Variants in DNAH3 observed in about 807,000 individuals in gnomAD.
DNAH3 encodes axonemal beta dynein heavy chain 3.
A neutral mutation model predicts 432.5 loss-of-function variants in DNAH3; 332 were observed. That is an observed-to-expected ratio of 0.77 (90% CI 0.70 to 0.84). DNAH3 has a LOEUF of 0.84. DNAH3 is among the 40% of genes least tolerant of loss of function. The pLI, the probability that DNAH3 is intolerant of heterozygous loss-of-function variation, is 0.00. For missense variants in DNAH3, 4,861 were observed against 5,114.0 expected (o/e 0.95, Z 1.51); for synonymous variants, 1,956 against 1,900.2 (o/e 1.03, Z -0.76).
intron 31 of DNAH3, among the ~76,000 whole-genome samples, chr16:21,048,704 CTT>C (rs765614532): frequency 5.6e-5 from 8 of 143,932 alleles, no homozygotes; most frequent in Non-Finnish European, 4.6e-5. Flanking sequence ...CTCCTCCCTC[CTT>C]TTTTTTTTTT....
At chr16:21,056,627 T>C (rs1002849036) in intron 27 of DNAH3, among the ~76,000 whole-genome samples, 4 of 152,174 alleles carry the variant, frequency 2.6e-5, no homozygotes, top group Non-Finnish European at 5.9e-5. Flanking sequence ...TCAATATTTG[T>C]TAAATGAACA....
At chr16:21,148,435 A>T (rs1342088814) in intron 1 of DNAH3, among the ~76,000 whole-genome samples, 28 of 144,736 alleles carry the variant, frequency 1.9e-4, no homozygotes, top group African/African-American at 7.0e-4. Flanking sequence ...TATTATTATT[A>T]TTATTTATTT....
At position 20,936,750 on chromosome 16, in the gene DNAH3, CA is replaced by C. The variant is rs769966683; in HGVS notation, c.11757del (p.Val3920TrpfsTer16). 1.2e-6 allele frequency: 2 copies of C among 1,612,892 alleles called. No individual in the cohort carries two copies. Among genetic ancestry groups the C allele is most frequent in the South Asian group, 2.2e-5 (2 of 90,720 alleles). The stretch of plus-strand genomic sequence containing the variant: ...GCCCACATGGCTGGCACTTTACCCA[CA>C]AGCATGCTGTTAAAGACTTCCTCTA... On this transcript the variant is annotated frameshift_variant, in exon 60 of 62. Coordinates refer to ENST00000261383, the Ensembl canonical transcript of DNAH3. LOFTEE classifies it high-confidence loss of function.
chr16:21,084,822 A>C (rs2091309899), intron 19 of DNAH3, among the ~76,000 whole-genome samples: 1 of 152,108 alleles, frequency 6.6e-6, no homozygotes, highest in African/African-American at 2.4e-5. Context: ...TCATAGAGGA[A>C]GCACCAGGTG....
At chr16:20,950,535 T>C (rs964817189) in intron 56 of DNAH3, among the ~76,000 whole-genome samples, 10 of 152,094 alleles carry the variant, frequency 6.6e-5, no homozygotes, top group African/African-American at 2.4e-4. Context: ...AGCTGTAAAA[T>C]GGGGTTATTA....
intron 21 of DNAH3, among the ~76,000 whole-genome samples, chr16:21,071,898 C>A (rs181680513): frequency 4.6e-5 from 7 of 152,180 alleles, no homozygotes; most frequent in Admixed American, 3.3e-4. Flanking sequence ...GTAGGAAGAT[C>A]GGCTGCTAAT....
chr16:21,148,330 G>A (rs1304265540), intron 1 of DNAH3, among the ~76,000 whole-genome samples: 6 of 151,918 alleles, frequency 3.9e-5, no homozygotes, highest in Admixed American at 2.0e-4. Context: ...TTTCATACCC[G>A]CATTCTAGCT....
chr16:21,148,469 G>A (rs1323990758), intron 1 of DNAH3, among the ~76,000 whole-genome samples: 4 of 148,286 alleles, frequency 2.7e-5, no homozygotes, highest in Non-Finnish European at 5.9e-5. Flanking sequence ...CCAAGTTTTC[G>A]CTCTGTCGCC....
At chr16:21,076,743 A>C (rs906764658) in intron 20 of DNAH3, among the ~76,000 whole-genome samples, 21 of 152,264 alleles carry the variant, frequency 1.4e-4, no homozygotes, top group Admixed American at 1.4e-3. Flanking sequence ...TCCTTATAAA[A>C]CTTACCATTG....
intron 26 of DNAH3, 128 bp from the exon 27 acceptor site, chr16:21,058,324 C>G: frequency 1.9e-6 from 1 of 539,372 alleles, no homozygotes; most frequent in South Asian, 2.9e-5. Context: ...TCAGACGCTA[C>G]AAGGCTTGAC....
chr16:20,942,111 A>AGAGCG (rs2083837148), intron 58 of DNAH3, among the ~76,000 whole-genome samples: 2 of 151,410 alleles, frequency 1.3e-5, no homozygotes, highest in African/African-American at 4.9e-5. Flanking sequence ...CACCTCAGGC[A>AGAGCG]AGAGCCGAAG....
rs781406239 is a variant in DNAH3 at position 21,134,284 on chromosome 16, TGAGCATCATGGGG to T, written c.1044_1056del (p.Asn348LysfsTer3). On this transcript the variant is annotated frameshift_variant, in exon 7 of 62. Transcript: ENST00000261383. LOFTEE classifies it high-confidence loss of function. ...TCTGCAAACCACAGTTCTTTCAGCCTGAGCATCATGGGGTTCACCGTGTGCAGATGCTCCTCGT... is the reference window on the plus strand; with the variant it reads ...TCTGCAAACCACAGTTCTTTCAGCCTTTCACCGTGTGCAGATGCTCCTCGT... The T allele has an allele frequency of 6.2e-7, 1 of 1,612,972 alleles. No homozygotes were observed. The highest frequency in any genetic ancestry group is 1.1e-5 in the South Asian group (1 of 90,752).
chr16:21,064,645 C>T (rs915230095), intron 24 of DNAH3, among the ~76,000 whole-genome samples: 1 of 152,108 alleles, frequency 6.6e-6, no homozygotes, highest in Admixed American at 6.5e-5. Flanking sequence ...TATGGATATA[C>T]ACTCCCTCTA....
At chr16:21,154,730 C>T (rs556602663) in intron 1 of DNAH3, among the ~76,000 whole-genome samples, 1 of 152,134 alleles carries the variant, frequency 6.6e-6, no homozygotes, top group Non-Finnish European at 1.5e-5. Flanking sequence ...ATCAGGAAAG[C>T]TTGAACTTGG....
At chr16:20,994,419 G>A (rs570713136) in intron 44 of DNAH3, among the ~76,000 whole-genome samples, 2 of 152,248 alleles carry the variant, frequency 1.3e-5, no homozygotes, top group African/African-American at 2.4e-5. Flanking sequence ...CGACAAGAGC[G>A]AGACTCTGTC....
chr16:20,984,208 C>T (rs190631058), intron 48 of DNAH3, among the ~76,000 whole-genome samples: 2,833 of 149,376 alleles, frequency 0.019, 32 homozygotes, highest in Non-Finnish European at 0.029. Context: ...CGCATGCGTG[C>T]GTGTGTGTGT....
chr16:21,137,423 CTT>C (rs560633047), intron 5 of DNAH3, among the ~76,000 whole-genome samples: 65 of 137,132 alleles, frequency 4.7e-4, no homozygotes, highest in Non-Finnish European at 3.6e-4. Flanking sequence ...TATTGTTGTT[CTT>C]TTTTTTTTTT....
chr16:21,097,461 C>A (rs1241652858), exon 18 of DNAH3: 1 of 1,613,944 alleles, frequency 6.2e-7, no homozygotes. Flanking sequence ...GGTAAGTACT[C>A]TTCTCCTTTT....
chr16:21,034,712 G>T (rs944537652), intron 35 of DNAH3, among the ~76,000 whole-genome samples: 15 of 152,188 alleles, frequency 9.9e-5, no homozygotes, highest in Non-Finnish European at 1.6e-4. Context: ...TAAAGATTAA[G>T]TTCTTATTAT....
Sources: gnomAD v4.1 joint callset for allele counts (sites outside exome capture counted in the v4.1 genomes callset) on GRCh38, gnomAD v4.1.1 for gene constraint, MANE v1.5 for transcripts, NCBI Gene and HGNC (gene_info 2026-07-23, HGNC 2026-07-21) for gene names.